CDC42SE2: variants seen among roughly 807,000 people sequenced by gnomAD.
CDC42SE2 encodes the protein CDC42 small effector 2, also known as CDC42 small effector protein 2.
In CDC42SE2, 3 loss-of-function variants were observed where a neutral mutation model predicts 11.5. The observed-to-expected ratio is 0.26, with a 90% CI of 0.12 to 0.67. The LOEUF is 0.67. CDC42SE2 is among the 30% of genes least tolerant of loss of function. The pLI is 0.80. For missense variants in CDC42SE2, 82 were observed against 106.8 expected (o/e 0.77, Z 1.02); for synonymous variants, 33 against 34.8 (o/e 0.95, Z 0.18).
rs1298688075 is a variant in CDC42SE2, at chr5:131,394,054, A to G, written c.*2963A>G. ...AAAAGATACGGTATTAACCTTGGAC[A>G]TAATTTTTTTTAGGGAGGCAGCTTT... On this transcript the variant is annotated 3_prime_UTR_variant, in exon 5 of 5. Coordinates refer to ENST00000505065, the MANE Select transcript of CDC42SE2 (RefSeq NM_001375635.1). 2.6e-5 allele frequency: 4 copies of G among 152,366 alleles called. No homozygotes were observed. The highest frequency in any genetic ancestry group is 1.9e-4 in the East Asian group (1 of 5,342). The allele number at this position is 152,366 out of a possible 1,614,324, so 9.4% of individuals were successfully genotyped here.
intron 1 of CDC42SE2, among the ~76,000 whole-genome samples, chr5:131,292,294 A>G (rs1304486131): frequency 6.8e-6 from 1 of 148,008 alleles, no homozygotes; most frequent in Non-Finnish European, 1.5e-5. Context: ...CCAGCTGGAC[A>G]CAGTGGCTCA....
intron 2 of CDC42SE2, among the ~76,000 whole-genome samples, chr5:131,339,344 G>C (rs1209708025): frequency 6.6e-6 from 1 of 150,908 alleles, no homozygotes; most frequent in Non-Finnish European, 1.5e-5. Context: ...TAATGATAAG[G>C]AAACAGTCCA....
chr5:131,228,429 C>A, the CDC42SE2 span, among the ~76,000 whole-genome samples: 1 of 152,202 alleles, frequency 6.6e-6, no homozygotes, highest in Non-Finnish European at 1.5e-5. Flanking sequence ...AACTCTGGTC[C>A]TGATGGCTTT....
At chr5:131,253,264 A>G (rs1475949388) in intron 1 of CDC42SE2, 1 of 152,258 alleles carries the variant, frequency 6.6e-6, no homozygotes, top group African/African-American at 2.4e-5. Flanking sequence ...CAGAGGTAGT[A>G]TGAGGTGAAA....
intron 1 of CDC42SE2, among the ~76,000 whole-genome samples, chr5:131,312,478 C>T (rs1757942963): frequency 6.6e-6 from 1 of 152,186 alleles, no homozygotes; most frequent in South Asian, 2.1e-4. Flanking sequence ...CCAGTTTGAG[C>T]TTCCAGGCTG....
At chr5:131,377,343 T>G (rs1750184983) in intron 3 of CDC42SE2, among the ~76,000 whole-genome samples, 2 of 152,032 alleles carry the variant, frequency 1.3e-5, no homozygotes, top group Admixed American at 6.6e-5. Context: ...TAATTTTTTG[T>G]ATTTTTGTAG....
chr5:131,217,938 G>A, the CDC42SE2 span, among the ~76,000 whole-genome samples: 1 of 152,148 alleles, frequency 6.6e-6, no homozygotes, highest in Non-Finnish European at 1.5e-5. Context: ...ACTTTGAGAG[G>A]CCGAGGCGGG....
At chr5:131,313,628 A>G (rs1022946467) in intron 1 of CDC42SE2, among the ~76,000 whole-genome samples, 55 of 152,148 alleles carry the variant, frequency 3.6e-4, no homozygotes, top group Non-Finnish European at 4.6e-4. Context: ...AGTTGACTAC[A>G]TGTGTGTAGT....
chr5:131,362,019 G>T (rs1749724615), intron 3 of CDC42SE2, among the ~76,000 whole-genome samples: 1 of 152,132 alleles, frequency 6.6e-6, no homozygotes, highest in South Asian at 2.1e-4. Flanking sequence ...GGCACGGCGG[G>T]CCAGGGTGGT....
chr5:131,297,637 G>A (rs1002756086), intron 1 of CDC42SE2, among the ~76,000 whole-genome samples: 17 of 152,090 alleles, frequency 1.1e-4, no homozygotes, highest in African/African-American at 3.9e-4. Flanking sequence ...GGAGAATGGC[G>A]TGAACCCGGG....
chr5:131,298,959 G>T (rs1319624247), intron 1 of CDC42SE2, among the ~76,000 whole-genome samples: 3 of 152,194 alleles, frequency 2.0e-5, no homozygotes, highest in African/African-American at 7.2e-5. Context: ...AGACTTGGGG[G>T]ATTGGGGAAT....
chr5:131,334,812 T>C (rs1486349097), intron 2 of CDC42SE2, among the ~76,000 whole-genome samples: 2 of 152,204 alleles, frequency 1.3e-5, no homozygotes, highest in Non-Finnish European at 2.9e-5. Flanking sequence ...GGTGGTGATA[T>C]CCCCTTTATC....
chr5:131,276,592 T>C (rs1300275853), intron 1 of CDC42SE2, among the ~76,000 whole-genome samples: 1 of 152,192 alleles, frequency 6.6e-6, no homozygotes, highest in Non-Finnish European at 1.5e-5. Flanking sequence ...TAATATGCAA[T>C]AATTTATGTC....
At chr5:131,242,918 C>T (rs1263668116), upstream of CDC42SE2, among the ~76,000 whole-genome samples, 1 of 152,116 alleles carries the variant, frequency 6.6e-6, no homozygotes, top group Non-Finnish European at 1.5e-5. Context: ...GAACAAAGGG[C>T]ACAGGGCACT....
chr5:131,310,260 A>G (rs1453398563), intron 1 of CDC42SE2, among the ~76,000 whole-genome samples: 17 of 151,732 alleles, frequency 1.1e-4, no homozygotes, highest in Non-Finnish European at 1.9e-4. Flanking sequence ...AGCGGTTTTG[A>G]GTGAGATTCT....
chr5:131,217,851 C>T, the CDC42SE2 span, among the ~76,000 whole-genome samples: 1 of 152,134 alleles, frequency 6.6e-6, no homozygotes, highest in Non-Finnish European at 1.5e-5. Context: ...TATGTAAATA[C>T]TTCCAACAAA....
In CDC42SE2 at chr5:131,290,075, GGCCTAAA is replaced by G. The variant is rs530387091; in HGVS notation, c.-454-25899_-454-25893del. On this transcript the variant is annotated intron_variant, in intron 1 of 4. Transcript: ENST00000505065. Reference sequence around the variant, plus strand: ...TTGCCCAGGCTGGTCTTCACCTCCTGGCCTAAAGTGATCCTCCTGCCTCCACCTCCCA... The same window carrying G: ...TTGCCCAGGCTGGTCTTCACCTCCTGGTGATCCTCCTGCCTCCACCTCCCA... Among the ~76,000 whole-genome samples, 176 of 152,054 alleles carry G rather than the reference GGCCTAAA, an allele frequency of 1.2e-3. 1 individual carries two copies. Among genetic ancestry groups the G allele is most frequent in the African/African-American group, 4.1e-3 (170 of 41,472 alleles).
chr5:131,286,924 A>T (rs1224181287), intron 1 of CDC42SE2, among the ~76,000 whole-genome samples: 1 of 151,880 alleles, frequency 6.6e-6, no homozygotes, highest in Non-Finnish European at 1.5e-5. Context: ...TGATGGAGTG[A>T]GGGGCTGACA....
the CDC42SE2 span, among the ~76,000 whole-genome samples, chr5:131,228,192 G>A: frequency 3.3e-5 from 5 of 152,022 alleles, no homozygotes; most frequent in African/African-American, 1.2e-4. Context: ...GGGAGACAGA[G>A]CAAGACCCTG....
Sources: gnomAD v4.1 joint callset for allele counts (sites outside exome capture counted in the v4.1 genomes callset) on GRCh38, gnomAD v4.1.1 for gene constraint, MANE v1.5 for transcripts, NCBI Gene and HGNC (gene_info 2026-07-23, HGNC 2026-07-21) for gene names.